ULK4: variants seen among roughly 807,000 people sequenced by gnomAD.
ULK4 encodes inactive serine/threonine-protein kinase ULK4.
ULK4 carries 133 observed loss-of-function variants against 160.6 expected under a neutral mutation model. That is an observed-to-expected ratio of 0.83 (90% CI 0.72 to 0.96). The LOEUF is 0.96. Ranked by LOEUF, ULK4 falls within the 40% of genes least tolerant of loss-of-function variation. The probability of loss-of-function intolerance (pLI) is 0.00; values close to 1 mark genes in which losing one functional copy is unlikely to be tolerated. For synonymous variants in ULK4, 534 were observed against 539.8 expected (o/e 0.99, Z 0.15); for missense variants, 1,580 against 1,499.5 (o/e 1.05, Z -0.89).
chr3:41,548,025 AGT>A (rs931118822), intron 32 of ULK4, among the ~76,000 whole-genome samples: 26 of 152,142 alleles, frequency 1.7e-4, no homozygotes, highest in African/African-American at 5.8e-4. Flanking sequence ...CATACTTGCA[AGT>A]GTGTTCAGTG....
chr3:41,930,059 G>A (rs1265323186), intron 5 of ULK4, among the ~76,000 whole-genome samples: 2 of 152,070 alleles, frequency 1.3e-5, no homozygotes, highest in South Asian at 2.1e-4. Flanking sequence ...AACAAAGCTG[G>A]AGGCATCGCA....
chr3:41,565,593 T>C (rs980562317), intron 32 of ULK4, among the ~76,000 whole-genome samples: 4 of 152,150 alleles, frequency 2.6e-5, no homozygotes, highest in African/African-American at 9.7e-5. Context: ...TACACTGCCT[T>C]TGGACTCTGC....
chr3:41,408,864 G>A (rs543944825), intron 34 of ULK4, among the ~76,000 whole-genome samples: 13 of 152,266 alleles, frequency 8.5e-5, no homozygotes, highest in African/African-American at 3.1e-4. Context: ...AGGGAAAATA[G>A]TATTCTCTAC....
chr3:41,451,494 G>A (rs907307079), intron 34 of ULK4, among the ~76,000 whole-genome samples: 1 of 151,862 alleles, frequency 6.6e-6, no homozygotes. Flanking sequence ...AATGACAGTT[G>A]ATCATTTCTC....
intron 27 of ULK4, among the ~76,000 whole-genome samples, chr3:41,701,244 A>G (rs569779888): frequency 1.3e-5 from 2 of 152,286 alleles, no homozygotes; most frequent in East Asian, 3.9e-4. Context: ...TCAACAGAAT[A>G]AGTAAAAAAG....
At chr3:41,421,726 T>C (rs976840896) in intron 34 of ULK4, among the ~76,000 whole-genome samples, 3 of 152,192 alleles carry the variant, frequency 2.0e-5, no homozygotes, top group Admixed American at 1.3e-4. Context: ...AATTGTTCTG[T>C]GCTGTTTTAA....
At chr3:41,891,612 A>G (rs988383461) in intron 16 of ULK4, among the ~76,000 whole-genome samples, 2 of 152,278 alleles carry the variant, frequency 1.3e-5, no homozygotes, top group East Asian at 1.9e-4. Context: ...GAAAACAAAC[A>G]AAAAATACTA....
At chr3:41,606,832 T>C (rs1007234488) in intron 31 of ULK4, among the ~76,000 whole-genome samples, 6 of 152,166 alleles carry the variant, frequency 3.9e-5, no homozygotes, top group Non-Finnish European at 5.9e-5. Flanking sequence ...TGCTGTTAAA[T>C]TGAGTTCCTC....
intron 36 of ULK4, among the ~76,000 whole-genome samples, chr3:41,248,249 A>G (rs532426171): frequency 4.8e-4 from 73 of 152,310 alleles, no homozygotes; most frequent in African/African-American, 1.6e-3. Flanking sequence ...AGCTGGCTCT[A>G]TAATGGCATT....
intron 35 of ULK4, among the ~76,000 whole-genome samples, chr3:41,324,418 T>C (rs912584962): frequency 1.5e-4 from 23 of 152,352 alleles, no homozygotes; most frequent in Middle Eastern, 6.8e-3. Context: ...CTGTGTACTC[T>C]GTGTACACAA....
intron 17 of ULK4, among the ~76,000 whole-genome samples, chr3:41,866,773 TTAAAAAC>T (rs1696902094): frequency 1.3e-5 from 1 of 78,322 alleles, no homozygotes; most frequent in Admixed American, 1.1e-4. Flanking sequence ...GTTATCATTA[TTAAAAAC>T]TGGAAGGTTT....
At chr3:41,314,629 T>C (rs970184477) in intron 35 of ULK4, among the ~76,000 whole-genome samples, 1 of 152,326 alleles carries the variant, frequency 6.6e-6, no homozygotes, top group South Asian at 2.1e-4. Flanking sequence ...AAACAAATAA[T>C]GGTAGTGGTA....
chr3:41,631,121 T>A (rs1232645026), intron 30 of ULK4, among the ~76,000 whole-genome samples: 1 of 152,204 alleles, frequency 6.6e-6, no homozygotes, highest in Non-Finnish European at 1.5e-5. Flanking sequence ...ATTTGTAACA[T>A]TTCTCCTTGA....
chr3:41,397,202 G>C (rs907794297), intron 35 of ULK4, among the ~76,000 whole-genome samples: 1 of 152,070 alleles, frequency 6.6e-6, no homozygotes, highest in Non-Finnish European at 1.5e-5. Context: ...AGCAGGGAAA[G>C]ATTTACTGTA....
chr3:41,424,072 G>A (rs185600901), intron 34 of ULK4, among the ~76,000 whole-genome samples: 47 of 152,190 alleles, frequency 3.1e-4, no homozygotes, highest in Non-Finnish European at 4.3e-4. Context: ...TACCATCACC[G>A]CAGCTCCAGT....
At chr3:41,754,632 A>T in intron 21 of ULK4, 144 bp from the exon 22 acceptor site, 3 of 652,492 alleles carry the variant, frequency 4.6e-6, no homozygotes, top group Non-Finnish European at 6.7e-6. Flanking sequence ...AATTTGTGCC[A>T]GATCCCATAA....
intron 32 of ULK4, among the ~76,000 whole-genome samples, chr3:41,494,423 C>T (rs935126871): frequency 5.5e-5 from 8 of 145,948 alleles, no homozygotes; most frequent in South Asian, 2.2e-4. Flanking sequence ...ATTGATGGGA[C>T]GTATCTCAAA....
intron 35 of ULK4, among the ~76,000 whole-genome samples, chr3:41,296,622 G>A (rs1276047697): frequency 6.6e-6 from 1 of 152,126 alleles, no homozygotes; most frequent in Non-Finnish European, 1.5e-5. Context: ...TGACATTTAA[G>A]ATAAGGCCTA....
intron 30 of ULK4, among the ~76,000 whole-genome samples, chr3:41,648,251 C>T (rs1000225428): frequency 6.6e-6 from 1 of 152,154 alleles, no homozygotes; most frequent in African/African-American, 2.4e-5. Context: ...GAACCCGGTA[C>T]CTCAGATGGA....
Sources: gnomAD v4.1 joint callset for allele counts (sites outside exome capture counted in the v4.1 genomes callset) on GRCh38, gnomAD v4.1.1 for gene constraint, MANE v1.5 for transcripts, NCBI Gene and HGNC (gene_info 2026-07-23, HGNC 2026-07-21) for gene names.